RIPOR2: variants seen among roughly 807,000 people sequenced by gnomAD.
RIPOR2 encodes the protein rho family-interacting cell polarization regulator 2.
A neutral mutation model predicts 114.5 loss-of-function variants in RIPOR2; 39 were observed. That is an observed-to-expected ratio of 0.34 (90% CI 0.26 to 0.44). The LOEUF (loss-of-function observed/expected upper bound fraction) is 0.44. Ranked by LOEUF, RIPOR2 falls within the 20% of genes least tolerant of loss-of-function variation. The pLI is 1.00. For synonymous variants in RIPOR2, 445 were observed against 484.4 expected (o/e 0.92, Z 1.07); for missense variants, 1,007 against 1,255.1 (o/e 0.80, Z 2.99).
In RIPOR2 at chr6:24,842,865, T is replaced by C; in HGVS notation, c.1854A>G (p.Leu618=). The C allele has an allele frequency of 1.4e-6, 2 of 1,438,848 alleles. No individual in the cohort carries two copies. Among genetic ancestry groups the C allele is most frequent in the South Asian group, 3.5e-5 (2 of 57,712 alleles). 89.1% of individuals were successfully genotyped at this position (1,438,848 alleles called of 1,614,324 possible). The change falls in exon 13 of 22, where the codon CTA becomes CTG. Residue 618 remains leucine (L), a synonymous_variant. Coordinates refer to ENST00000643898, the MANE Select transcript of RIPOR2 (RefSeq NM_001286445.3). ...ATTTCTCTGAAAAGGTACTTACTTT[T>C]AGAATATCATCCAAATTCATGACTT... The part of the protein sequence containing the change: ...NQEVMNLDDI[L]KCKPAVSRSR...
chr6:24,831,196 G>A (rs1006403674), intron 16 of RIPOR2, among the ~76,000 whole-genome samples: 3 of 152,156 alleles, frequency 2.0e-5, no homozygotes, highest in Non-Finnish European at 4.4e-5. Context: ...AACTCATCCT[G>A]CTTGGGGAGC....
intron 1 of RIPOR2, among the ~76,000 whole-genome samples, chr6:24,921,540 T>C (rs1043336475): frequency 6.6e-6 from 1 of 152,114 alleles, no homozygotes; most frequent in African/African-American, 2.4e-5. Flanking sequence ...CAGACCTCCA[T>C]ATGTTCAGAC....
intron 1 of RIPOR2, among the ~76,000 whole-genome samples, chr6:24,994,647 T>C (rs2113628475): frequency 6.6e-6 from 1 of 152,218 alleles, no homozygotes; most frequent in East Asian, 1.9e-4. Flanking sequence ...CGATGGGACA[T>C]GGTTTGGGGT....
At chr6:24,818,669 C>T (rs767724120) in intron 19 of RIPOR2, 44 bp from the exon 20 acceptor site, 55 of 1,358,634 alleles carry the variant, frequency 4.0e-5, no homozygotes, top group Non-Finnish European at 5.0e-5. Flanking sequence ...TTGGTTTGTT[C>T]GTAGTTTAAG....
In RIPOR2 at chr6:24,839,152, C is replaced by A. The variant is rs1761387653; in HGVS notation, c.1978G>T (p.Val660Phe). ...TCAGCACCTCCGCCAACATTACAAA[C>A]CTCATCACCATCCTCCTCCTCGTCA... is the stretch of plus-strand genomic sequence containing the variant. ...DFDEEEDGDE[V>F]CNVGGGADSV... The change falls in exon 14 of 22, where the codon GTT becomes TTT. Residue 660 changes from valine to phenylalanine, a missense_variant. Transcript: ENST00000643898. 4 of 1,551,604 alleles carry A rather than the reference C, an allele frequency of 2.6e-6. No homozygotes were observed. Among genetic ancestry groups the A allele is most frequent in the Non-Finnish European group, 3.5e-6 (4 of 1,147,000 alleles).
chr6:25,005,694 G>GATATATATATATATAT (rs34057286), intron 1 of RIPOR2, among the ~76,000 whole-genome samples: 2 of 45,378 alleles, frequency 4.4e-5, no homozygotes, highest in Non-Finnish European at 1.1e-4. Flanking sequence ...TCCCTATGGA[G>GATATATATATATATAT]ATATATATAT....
chr6:24,913,726 T>C (rs1425958650), intron 1 of RIPOR2, among the ~76,000 whole-genome samples: 1 of 152,222 alleles, frequency 6.6e-6, no homozygotes, highest in Non-Finnish European at 1.5e-5. Flanking sequence ...TAATTTCTGC[T>C]TGCGCCCATT....
chr6:24,921,350 G>C (rs1770467302), intron 1 of RIPOR2, among the ~76,000 whole-genome samples: 1 of 150,500 alleles, frequency 6.6e-6, no homozygotes, highest in African/African-American at 2.5e-5. Flanking sequence ...TTTTAGTAGA[G>C]ACGCTGTTTC....
intron 21 of RIPOR2, among the ~76,000 whole-genome samples, chr6:24,808,018 T>C (rs1192904254): frequency 6.6e-6 from 1 of 152,132 alleles, no homozygotes; most frequent in African/African-American, 2.4e-5. Flanking sequence ...CTTCAAAAAA[T>C]CCTTAAAAAA....
At chr6:24,938,427 G>T (rs1047119636), upstream of RIPOR2, among the ~76,000 whole-genome samples, 1 of 152,190 alleles carries the variant, frequency 6.6e-6, no homozygotes, top group African/African-American at 2.4e-5. Context: ...AGTTTCTGTT[G>T]CTTAAGCCAC....
At chr6:24,961,658 C>T (rs1246905551) in intron 1 of RIPOR2, among the ~76,000 whole-genome samples, 7 of 149,368 alleles carry the variant, frequency 4.7e-5, no homozygotes, top group African/African-American at 1.5e-4. Flanking sequence ...GAGACAGTCT[C>T]GCTCTGTCAC....
At chr6:24,850,113 T>G (rs79451371) in intron 10 of RIPOR2, among the ~76,000 whole-genome samples, 163 bp from the exon 11 acceptor site, 1 of 149,982 alleles carries the variant, frequency 6.7e-6, no homozygotes, top group Non-Finnish European at 1.5e-5. Context: ...TTTTTTTTTT[T>G]GGAGACAGGG....
At chr6:24,856,205 G>A (rs893292429) in intron 8 of RIPOR2, among the ~76,000 whole-genome samples, 1 of 152,124 alleles carries the variant, frequency 6.6e-6, no homozygotes, top group African/African-American at 2.4e-5. Flanking sequence ...TCACCAGCTC[G>A]TCCGTGCCTT....
chr6:24,911,016 G>T, intron 1 of RIPOR2: 6 of 981,804 alleles, frequency 6.1e-6, no homozygotes, highest in Non-Finnish European at 7.3e-6. Context: ...CTGCCCTGCC[G>T]CGTCCGCTCG....
At chr6:24,826,575 G>A (rs1403912601) in intron 18 of RIPOR2, among the ~76,000 whole-genome samples, 1 of 150,834 alleles carries the variant, frequency 6.6e-6, no homozygotes, top group African/African-American at 2.4e-5. Context: ...AAACACCCTA[G>A]TAAAAAGCCT....
At chr6:24,918,120 C>G (rs62402041) in intron 1 of RIPOR2, among the ~76,000 whole-genome samples, 23,812 of 152,178 alleles carry the variant, frequency 0.16, 1,888 homozygotes, top group South Asian at 0.21. Flanking sequence ...GGATCCCCAA[C>G]AGGAGATGAA....
At chr6:24,819,251 A>C (rs1323937452) in intron 19 of RIPOR2, among the ~76,000 whole-genome samples, 1 of 152,198 alleles carries the variant, frequency 6.6e-6, no homozygotes. Context: ...TAAGAAATCT[A>C]CAAGGTAAGT....
chr6:25,032,220 G>A (rs1349055840), intron 1 of RIPOR2, among the ~76,000 whole-genome samples: 1 of 151,296 alleles, frequency 6.6e-6, no homozygotes, highest in Non-Finnish European at 1.5e-5. Flanking sequence ...GAAAATTGAA[G>A]GATTGGATTA....
chr6:24,909,084 T>C (rs912066349), intron 1 of RIPOR2, among the ~76,000 whole-genome samples: 16 of 152,174 alleles, frequency 1.1e-4, no homozygotes, highest in African/African-American at 3.9e-4. Flanking sequence ...AGTTTTCAGA[T>C]GTTTGGATGC....
Sources: allele counts gnomAD v4.1 joint callset (sites outside exome capture counted in the v4.1 genomes callset), GRCh38; gene constraint gnomAD v4.1.1; transcripts MANE v1.5; gene names NCBI Gene and HGNC (gene_info 2026-07-23, HGNC 2026-07-21).